The following LRP8 variants were observed in gnomAD, a reference collection of about 807,000 sequenced individuals.
LRP8 encodes low-density lipoprotein receptor-related protein 8.
LRP8 carries 46 observed loss-of-function variants against 111.6 expected under a neutral mutation model. The ratio of observed to expected loss-of-function variants is 0.41; its 90% confidence interval spans 0.33 to 0.53. LRP8 has a LOEUF of 0.53. Among genes scored for constraint, LRP8 ranks in the 20% least tolerant of loss-of-function variants. LRP8 has a pLI of 0.20. For missense variants in LRP8, 959 were observed against 1,297.4 expected (o/e 0.74, Z 4.01); for synonymous variants, 464 against 511.2 (o/e 0.91, Z 1.24).
At position 53,326,875 on chromosome 1, in the gene LRP8, C is replaced by G; in HGVS notation, c.242G>C (p.Cys81Ser). 6.2e-7 allele frequency: 1 copy of G among 1,612,664 alleles called. No individual in the cohort carries two copies. The highest frequency in any genetic ancestry group is 8.5e-7 in the Non-Finnish European group (1 of 1,179,582). ...DCLDHSDEDD[C>S]PKKTCADSDF... Reference sequence around the variant, plus strand: ...GAGCTCCCTGGCCCGCCACTCACGGCAGTCGTCCTCGTCGCTGTGGTCTAA... The same window carrying G: ...GAGCTCCCTGGCCCGCCACTCACGGGAGTCGTCCTCGTCGCTGTGGTCTAA... Residue 81 changes from cysteine (C) to serine (S), a missense_variant and splice_region_variant, in exon 2 of 19, where the codon TGC becomes TCC. Around this residue, in one of 3 missense-constraint regions of LRP8, gnomAD observed 97 missense variants for 107.5 expected, o/e 0.90. Coordinates refer to ENST00000306052, the MANE Select transcript of LRP8 (RefSeq NM_004631.5).
intron 9 of LRP8, 34 bp from the exon 10 acceptor site, chr1:53,264,430 T>C (rs1313378557): frequency 6.4e-7 from 1 of 1,559,844 alleles, no homozygotes; most frequent in Admixed American, 1.7e-5. Context: ...ATGGGGCAGA[T>C]GTTCCACCCA....
intron 3 of LRP8, among the ~76,000 whole-genome samples, chr1:53,287,269 C>G (rs945677353): frequency 6.6e-6 from 1 of 152,242 alleles, no homozygotes; most frequent in Non-Finnish European, 1.5e-5. Context: ...CTGCCTGACC[C>G]TGACCAGAGC....
chr1:53,307,836 G>A (rs1652268642), intron 2 of LRP8, among the ~76,000 whole-genome samples: 1 of 152,236 alleles, frequency 6.6e-6, no homozygotes, highest in Admixed American at 6.5e-5. Context: ...GCACGACCCA[G>A]TCTGAGGCCA....
chr1:53,327,809 T>C lies in LRP8; in HGVS notation c.104A>G (p.Asp35Gly), dbSNP rs1368129119. The C allele has an allele frequency of 6.6e-7, 1 of 1,511,698 alleles. No homozygotes were observed. Among genetic ancestry groups the C allele is most frequent in the Admixed American group, 2.0e-5 (1 of 49,694 alleles). 93.6% of individuals were successfully genotyped at this position (1,511,698 alleles called of 1,614,324 possible). ...CGCACCTTGGCCGCCGAGCAGCGGA[T>C]CAGCCGCTGCCGCCGCAAGATGCTG... ...QLQHLAAAAA[D>G]PLLGGQGPAK... The change falls in exon 1 of 19, where the codon GAT becomes GGT. Residue 35 changes from aspartate to glycine, a missense_variant. Asp to Gly is a moderately conservative substitution (Grantham distance 94). Coordinates refer to ENST00000306052, the MANE Select transcript of LRP8 (RefSeq NM_004631.5).
intron 2 of LRP8, among the ~76,000 whole-genome samples, chr1:53,306,529 T>A (rs114693124): frequency 0.02 from 3,042 of 152,310 alleles, 106 homozygotes; most frequent in African/African-American, 0.07. Flanking sequence ...TGCGTGGCTT[T>A]GAGTAAGCCA....
At chr1:53,286,427 A>C (rs1647560754) in intron 3 of LRP8, among the ~76,000 whole-genome samples, 1 of 152,162 alleles carries the variant, frequency 6.6e-6, no homozygotes, top group Non-Finnish European at 1.5e-5. Flanking sequence ...ATGCATGAAA[A>C]AGCCTCCATA....
intron 6 of LRP8, among the ~76,000 whole-genome samples, chr1:53,271,683 CAT>C (rs934304107): frequency 1.3e-5 from 2 of 152,166 alleles, no homozygotes; most frequent in Non-Finnish European, 2.9e-5. Flanking sequence ...CTTTCACAAA[CAT>C]GTTTCTCACA....
intron 18 of LRP8, among the ~76,000 whole-genome samples, chr1:53,247,828 G>A (rs1377220215): frequency 2.6e-5 from 4 of 152,114 alleles, no homozygotes; most frequent in African/African-American, 4.8e-5. Context: ...ATTCCCTTCC[G>A]TTCATTCTGA....
rs1476865306 is a variant in LRP8, at chr1:53,260,550, A to G, written c.1970T>C (p.Leu657Pro). ...ENEAIFSANR[L>P]NGLEISILAE... ...CAGGATGGAGATTTCCAGGCCATTG[A>G]GCCGATTTGCACTGAAAATGGCCTC... The change falls in exon 13 of 19, where the codon CTC (leucine) becomes CCC (proline). Residue 657 changes from leucine (L) to proline (P), a missense_variant. Physicochemically the swap from Leu to Pro is moderately conservative, Grantham distance 98 (BLOSUM62 -3). Transcript: ENST00000306052. 1 of 1,614,196 alleles carries G rather than the reference A, an allele frequency of 6.2e-7. No homozygotes were observed. Among genetic ancestry groups the G allele is most frequent in the East Asian group, 2.2e-5 (1 of 44,884 alleles).
In LRP8 at chr1:53,266,077, G is replaced by C. The variant is rs1041639260; in HGVS notation, c.1427+396C>G. 8.5e-5 allele frequency among the ~76,000 whole-genome samples: 13 copies of C among 152,282 alleles called. No individual in the cohort carries two copies. Among genetic ancestry groups the C allele is most frequent in the African/African-American group, 2.9e-4 (12 of 41,578 alleles). ...TCACAAATGGATGTCACTGTGTTGT[G>C]AGTGGGATCCTCTGGGCAGGGACCA... On this transcript the variant is annotated intron_variant, in intron 9 of 18. Transcript: ENST00000306052. This position sits in a 1 kb window ranked among gnomAD's most constrained non-coding sequence, Gnocchi z 5.0.
intron 2 of LRP8, among the ~76,000 whole-genome samples, chr1:53,312,138 A>G (rs993197902): frequency 6.6e-6 from 1 of 152,158 alleles, no homozygotes. Context: ...GAATGTTATG[A>G]TTCTCACCAC....
intron 2 of LRP8, among the ~76,000 whole-genome samples, chr1:53,298,388 G>T (rs11583743): frequency 0.077 from 11,674 of 152,264 alleles, 537 homozygotes; most frequent in Middle Eastern, 0.11. Flanking sequence ...TGGGCAGGAT[G>T]GGATCAGCAG....
intron 2 of LRP8, among the ~76,000 whole-genome samples, chr1:53,316,886 G>C (rs1653879982): frequency 6.6e-6 from 1 of 152,206 alleles, no homozygotes; most frequent in Admixed American, 6.5e-5. Flanking sequence ...GAGACTGCTG[G>C]CGCCTCTCCA....
rs1646129848 is a variant in LRP8, at chr1:53,257,267, G to A, written c.2407C>T (p.Pro803Ser). Residue 803 changes from proline to serine, a missense_variant, in exon 15 of 19, where the codon CCT becomes TCT. Physicochemically the swap from Pro to Ser is moderately conservative, Grantham distance 74. Coordinates refer to ENST00000306052, the MANE Select transcript of LRP8 (RefSeq NM_004631.5). ...TGCTGGGAGTGGTTGCTGGTTGCAG[G>A]GCTTAGGGTAGACGGGCTGATGCTG... Reference protein sequence around the residue: ...APSISPSTLSPATSNHSQHYA... With the variant: ...APSISPSTLSSATSNHSQHYA... 2 of 1,613,996 alleles carry A rather than the reference G, an allele frequency of 1.2e-6. No individual in the cohort carries two copies. Among genetic ancestry groups the A allele is most frequent in the Non-Finnish European group, 1.7e-6 (2 of 1,180,026 alleles).
At position 53,262,287 on chromosome 1, in the gene LRP8, C is replaced by T; in HGVS notation, c.1775-80G>A. 1 of 1,582,180 alleles carries T rather than the reference C, an allele frequency of 6.3e-7. No individual in the cohort carries two copies. The highest frequency in any genetic ancestry group is 8.6e-7 in the Non-Finnish European group (1 of 1,158,938). ...GTTCCTTTGTACCTCTCCCTGCCCA[C>T]ATTTCTAGGCCTCACACTGAGGCCA... On this transcript the variant is annotated intron_variant, in intron 11 of 18. Transcript: ENST00000306052. The surrounding 1 kb of genome is among the most constrained non-coding windows in gnomAD (Gnocchi z 4.8).
At chr1:53,298,571 A>C (rs559258306) in intron 2 of LRP8, among the ~76,000 whole-genome samples, 1 of 152,208 alleles carries the variant, frequency 6.6e-6, no homozygotes, top group Non-Finnish European at 1.5e-5. Context: ...CTAGAAGAAA[A>C]CTCATGACAT....
chr1:53,263,944 G>A (rs892793854), intron 10 of LRP8, among the ~76,000 whole-genome samples: 2 of 152,186 alleles, frequency 1.3e-5, no homozygotes, highest in African/African-American at 4.8e-5. Flanking sequence ...TCTGCTCTGA[G>A]ACACTCCAAT....
chr1:53,309,249 TG>T (rs1338541575), intron 2 of LRP8, among the ~76,000 whole-genome samples: 1 of 152,060 alleles, frequency 6.6e-6, no homozygotes, highest in African/African-American at 2.4e-5. Flanking sequence ...CACTCCAGGC[TG>T]GGCGACAGAG....
intron 4 of LRP8, among the ~76,000 whole-genome samples, chr1:53,277,324 C>G (rs763709721): frequency 5.9e-5 from 9 of 152,202 alleles, no homozygotes; most frequent in Non-Finnish European, 1.2e-4. Context: ...TGAGCATGAG[C>G]ATGGTGGGAC....
Sources: gnomAD v4.1 joint callset for allele counts (sites outside exome capture counted in the v4.1 genomes callset) on GRCh38, gnomAD v4.1.1 for gene constraint, gnomAD v4.1.1 regional missense constraint, Gnocchi (gnomAD v3.1) non-coding constraint, MANE v1.5 for transcripts, NCBI Gene and HGNC (gene_info 2026-07-23, HGNC 2026-07-21) for gene names.